The following EMG1 variants were observed in gnomAD, a reference collection of about 807,000 sequenced individuals.
The protein encoded by EMG1 is EMG1 N1-specific pseudouridine methyltransferase.
A neutral mutation model predicts 26.9 loss-of-function variants in EMG1; 24 were observed. The observed-to-expected ratio is 0.89, with a 90% CI of 0.65 to 1.26. EMG1 has a LOEUF of 1.26. Ranked by LOEUF, EMG1 falls within the 50% of genes most tolerant of loss-of-function variation. The pLI, the probability that EMG1 is intolerant of heterozygous loss-of-function variation, is 0.00. For synonymous variants in EMG1, 140 were observed against 112.6 expected, an observed-to-expected ratio of 1.24 and a Z score of -1.54; for missense variants, 299 against 307.6, an observed-to-expected ratio of 0.97 and a Z score of 0.21.
At chr12:6,983,649 AAAC>A (rs782303109), downstream of EMG1, 114 of 702,142 alleles carry the variant, frequency 1.6e-4, no homozygotes, top group East Asian at 2.9e-3. Context: ...GAGAAAAAAA[AAAC>A]AACATACATT....
In EMG1 at chr12:6,977,881, A is replaced by G. The variant is rs1239513453; in HGVS notation, c.*2072A>G. On this transcript the variant is annotated 3_prime_UTR_variant, in exon 6 of 6. Coordinates refer to ENST00000599672, the MANE Select transcript of EMG1 (RefSeq NM_006331.8). This position sits in a 1 kb window ranked among gnomAD's most constrained non-coding sequence, Gnocchi z 4.5. ...ACGTGTAGCCCCCAGAGGGTACAGGAGGCAGTGCTGACTGATTACTTTTAG... is the reference window on the plus strand; with the variant it reads ...ACGTGTAGCCCCCAGAGGGTACAGGGGGCAGTGCTGACTGATTACTTTTAG... 17 of 1,008,704 alleles carry G rather than the reference A, an allele frequency of 1.7e-5. No individual in the cohort carries two copies. Among genetic ancestry groups the G allele is most frequent in the Non-Finnish European group, 2.2e-5 (15 of 670,414 alleles). 62.5% of individuals were successfully genotyped at this position (1,008,704 alleles called of 1,614,324 possible). A position where few individuals can be genotyped will look rare whatever the true frequency, so the allele number is the denominator to read the frequency against.
exon 8 of EMG1, chr12:6,997,374 A>G (rs1946645635): frequency 8.7e-6 from 1 of 115,098 alleles, no homozygotes; most frequent in African/African-American, 3.6e-5. Context: ...AAACAACAGC[A>G]AATTATGTGT....
At chr12:6,991,652 T>C (rs1317833192), downstream of EMG1, among the ~76,000 whole-genome samples, 1 of 152,206 alleles carries the variant, frequency 6.6e-6, no homozygotes, top group Non-Finnish European at 1.5e-5. Context: ...TTGTCATTTG[T>C]TTACCTTGAA....
chr12:6,987,458 A>G lies in EMG1; in HGVS notation c.*155-324A>G, dbSNP rs1201117794. On this transcript the variant is annotated intron_variant and NMD_transcript_variant, in intron 6 of 7. Coordinates refer to the EMG1 transcript ENST00000261406. This position sits in a 1 kb window ranked among gnomAD's most constrained non-coding sequence, Gnocchi z 4.1. ...TAGGATCAAGTCTCATATATTTCAC[A>G]TGGGCAGAAATTTGGCAGAGACAGA... Among the ~76,000 whole-genome samples, 1 of 152,234 alleles carries G rather than the reference A, an allele frequency of 6.6e-6. No homozygotes were observed. The highest frequency in any genetic ancestry group is 1.9e-4 in the East Asian group (1 of 5,198).
At chr12:6,972,236 A>G (rs1404097451) in intron 1 of EMG1, among the ~76,000 whole-genome samples, 3 of 152,142 alleles carry the variant, frequency 2.0e-5, no homozygotes, top group Non-Finnish European at 2.9e-5. Flanking sequence ...TATTAAAAGA[A>G]TAGAAAACAT....
chr12:6,993,414 C>A (rs763486338), intron 7 of EMG1, among the ~76,000 whole-genome samples: 130 of 151,432 alleles, frequency 8.6e-4, no homozygotes, highest in Non-Finnish European at 1.1e-3. Context: ...AGCCTGGCAA[C>A]AGAGCGAGAC....
At chr12:6,980,308 G>A (rs1445146189), downstream of EMG1, among the ~76,000 whole-genome samples, 4 of 152,126 alleles carry the variant, frequency 2.6e-5, no homozygotes, top group Admixed American at 1.3e-4. Flanking sequence ...CTCCCAGAGC[G>A]TTGGCATTAC....
chr12:6,989,512 G>A (rs929193886), downstream of EMG1, among the ~76,000 whole-genome samples: 33 of 151,776 alleles, frequency 2.2e-4, no homozygotes, highest in African/African-American at 7.5e-4. Context: ...GGGTTTCACC[G>A]TGGTCTCGAT....
chr12:6,997,030 T>G (rs1205910502), intron 7 of EMG1, among the ~76,000 whole-genome samples: 2 of 152,166 alleles, frequency 1.3e-5, no homozygotes, highest in African/African-American at 4.8e-5. Context: ...ATCAATTGAC[T>G]AGGTGTAGGA....
chr12:6,990,205 TAAATAA>T (rs782252336), downstream of EMG1, among the ~76,000 whole-genome samples: 784 of 143,066 alleles, frequency 5.5e-3, 8 homozygotes, highest in African/African-American at 0.019. Flanking sequence ...AATAAATAAA[TAAATAA>T]AAATAAAAAA....
chr12:6,974,857 T>C, intron 3 of EMG1, 164 bp downstream of exon 3: 2 of 877,514 alleles, frequency 2.3e-6, no homozygotes, highest in East Asian at 2.6e-5. Flanking sequence ...TTGTGGAAAC[T>C]CCACTCCTGT....
chr12:6,973,360 G>A (rs1946355571), intron 1 of EMG1, among the ~76,000 whole-genome samples: 1 of 152,004 alleles, frequency 6.6e-6, no homozygotes, highest in Admixed American at 6.5e-5. Context: ...TAGAGATGGG[G>A]TTTCGCCATG....
In EMG1 at chr12:6,978,541, A is replaced by G. The variant is rs782487773; in HGVS notation, c.*2732A>G. On this transcript the variant is annotated 3_prime_UTR_variant, in exon 6 of 6. Coordinates refer to ENST00000599672, the MANE Select transcript of EMG1 (RefSeq NM_006331.8). ...GAATAGCTCAGTTAGGGCTCTTGCC[A>G]CTCCCCATACTGGCCCCCATGGCTT... The G allele has an allele frequency of 8.7e-6, 14 of 1,611,556 alleles. No individual in the cohort carries two copies. The Admixed American group carries it at 2.2e-4, about 25-fold the overall frequency.
At chr12:6,971,213 G>A in intron 1 of EMG1, 122 bp downstream of exon 1, 1 of 811,268 alleles carries the variant, frequency 1.2e-6, no homozygotes. Flanking sequence ...TTTGAAGGAA[G>A]GTGGCTTGGT....
At position 6,978,753 on chromosome 12, in the gene EMG1, C is replaced by T. The variant is rs1946437762; in HGVS notation, c.*2944C>T. ...TGACTAGGCAGTTTCTCTCAGCACTCTTCCTTTTCACACTTGTGGCTGGCT... is the reference window on the plus strand; with the variant it reads ...TGACTAGGCAGTTTCTCTCAGCACTTTTCCTTTTCACACTTGTGGCTGGCT... On this transcript the variant is annotated 3_prime_UTR_variant, in exon 6 of 6. Transcript: ENST00000599672. The T allele has an allele frequency of 2.5e-6, 4 of 1,592,600 alleles. No homozygotes were observed. The Admixed American group carries it at 5.2e-5, about 21-fold the overall frequency.
At chr12:6,981,171 G>C (rs143854437), downstream of EMG1, 1 of 1,607,886 alleles carries the variant, frequency 6.2e-7, no homozygotes, top group East Asian at 2.2e-5. Context: ...GTTGCTCAGA[G>C]GACAAGGAAT....
chr12:6,977,366 C>G lies in EMG1; in HGVS notation c.*1557C>G. On this transcript the variant is annotated 3_prime_UTR_variant, in exon 6 of 6. Transcript: ENST00000599672. The surrounding 1 kb of genome is among the most constrained non-coding windows in gnomAD (Gnocchi z 4.5). ...AGTCTCACAAGCAGGCCTTCACTTG[C>G]CTTAAGCCATTTGTCCCACGTGAAG... 1 of 1,614,186 alleles carries G rather than the reference C, an allele frequency of 6.2e-7. No individual in the cohort carries two copies. The highest frequency in any genetic ancestry group is 8.5e-7 in the Non-Finnish European group (1 of 1,180,032).
chr12:6,992,568 A>T (rs782721199), downstream of EMG1, among the ~76,000 whole-genome samples: 1 of 152,224 alleles, frequency 6.6e-6, no homozygotes, highest in Non-Finnish European at 1.5e-5. Flanking sequence ...TTTTTACCCC[A>T]AAGAGATTCC....
downstream of EMG1, among the ~76,000 whole-genome samples, chr12:6,992,594 G>C (rs1282878850): frequency 6.6e-6 from 1 of 152,204 alleles, no homozygotes; most frequent in Non-Finnish European, 1.5e-5. Flanking sequence ...GAAGTCTCAG[G>C]AACTTTTAGG....
Sources: allele counts gnomAD v4.1 joint callset (sites outside exome capture counted in the v4.1 genomes callset), GRCh38; gene constraint gnomAD v4.1.1; non-coding constraint Gnocchi (gnomAD v3.1); transcripts MANE v1.5; gene names NCBI Gene and HGNC (gene_info 2026-07-23, HGNC 2026-07-21).